WFS1: variants seen among roughly 807,000 people sequenced by gnomAD.
WFS1 encodes wolframin ER transmembrane glycoprotein, also known as wolframin.
In WFS1, 90 loss-of-function variants were observed where a neutral mutation model predicts 68.5. That is an observed-to-expected ratio of 1.31 (90% CI 1.11 to 1.56). The LOEUF (loss-of-function observed/expected upper bound fraction) is 1.56. WFS1 is among the 40% of genes most tolerant of loss of function. The pLI is 0.00. For missense variants in WFS1, 1,767 were observed against 1,232.6 expected (o/e 1.43, Z -6.49); for synonymous variants, 860 against 540.7 (o/e 1.59, Z -8.19).
intron 7 of WFS1, among the ~76,000 whole-genome samples, chr4:6,300,444 G>T (rs1730836451): frequency 6.6e-6 from 1 of 152,026 alleles, no homozygotes; most frequent in African/African-American, 2.4e-5. Flanking sequence ...GGGGCTCCAG[G>T]CCCAGAAGAG....
At chr4:6,292,122 G>A (rs1264214606) in intron 6 of WFS1, 125 bp downstream of exon 6, 3 of 994,376 alleles carry the variant, frequency 3.0e-6, no homozygotes, top group Non-Finnish European at 4.6e-6. Context: ...GCCTGCGCCT[G>A]CAGGGCGACC....
At chr4:6,277,813 A>G (rs1270468647) in intron 2 of WFS1, 126 bp downstream of exon 2, 5 of 1,140,850 alleles carry the variant, frequency 4.4e-6, no homozygotes, top group South Asian at 4.0e-5. Context: ...TGCAGCTCCC[A>G]TGCTGTGCAC....
At chr4:6,294,148 C>T (rs534719353) in intron 6 of WFS1, among the ~76,000 whole-genome samples, 8 of 152,318 alleles carry the variant, frequency 5.3e-5, no homozygotes, top group Admixed American at 3.3e-4. Context: ...GTTTCTGCAG[C>T]ACCCTGGCTT....
chr4:6,288,248 C>T (rs1032319560), intron 3 of WFS1, among the ~76,000 whole-genome samples: 3 of 151,718 alleles, frequency 2.0e-5, no homozygotes, highest in Non-Finnish European at 4.4e-5. Context: ...TCTTTCCTGA[C>T]CTCACAGCCA....
intron 7 of WFS1, among the ~76,000 whole-genome samples, chr4:6,299,535 G>A (rs1421871665): frequency 2.0e-5 from 2 of 101,030 alleles, no homozygotes; most frequent in African/African-American, 8.2e-5. Flanking sequence ...GTGTATAGGG[G>A]TGGGTTGTGT....
intron 7 of WFS1, among the ~76,000 whole-genome samples, chr4:6,299,128 C>A (rs954746644): frequency 6.6e-6 from 1 of 152,246 alleles, no homozygotes; most frequent in Non-Finnish European, 1.5e-5. Flanking sequence ...TGTCCCCCAT[C>A]CCCTCCAGTC....
In WFS1 at chr4:6,285,159, G is replaced by GTCCAGGGAGAATTACA. The variant is rs1231544551; in HGVS notation, c.233-1924_233-1923insATTACATCCAGGGAGA. Among the ~76,000 whole-genome samples the GTCCAGGGAGAATTACA allele has an allele frequency of 2.2e-4, 13 of 58,016 alleles. No homozygotes were observed. In the East Asian group the frequency reaches 8.4e-3, roughly 37 times the overall value. 38.1% of individuals were successfully genotyped at this position (58,016 alleles called of 152,430 possible). On this transcript the variant is annotated intron_variant, in intron 2 of 7. Coordinates refer to ENST00000226760, the MANE Select transcript of WFS1 (RefSeq NM_006005.3). ...GCCCGAAACTCTGTGCAAGAGTTGC[G>GTCCAGGGAGAATTACA]TCCAGGGAGAGTTACATCCAGGGAG...
chr4:6,298,843 C>T (rs370225215), intron 7 of WFS1, among the ~76,000 whole-genome samples: 124 of 152,342 alleles, frequency 8.1e-4, no homozygotes, highest in African/African-American at 2.8e-3. Context: ...CCTTGGCCTT[C>T]TGGTGGGCCT....
Position 6,302,420 on chromosome 4 carries a change from G to A in WFS1, c.2625G>A (p.Val875=), listed in dbSNP as rs1264608390. 7 of 1,613,090 alleles carry A rather than the reference G, an allele frequency of 4.3e-6. No homozygotes were observed. The highest frequency in any genetic ancestry group is 1.3e-5 in the African/African-American group (1 of 74,960). Residue 875 remains valine (V), a synonymous_variant, in exon 8 of 8, where the codon GTG becomes GTA. Transcript: ENST00000226760. Reference sequence around the variant, plus strand: ...GGCGCAGCACCGTGCATGGCGCCGTGAAGTTCGCCTTCGACTTCTTTTTCT... The same window carrying A: ...GGCGCAGCACCGTGCATGGCGCCGTAAAGTTCGCCTTCGACTTCTTTTTCT... ...HDWRSTVHGA[V]KFAFDFFFFP... is the part of the protein sequence containing the mutation.
intron 7 of WFS1, among the ~76,000 whole-genome samples, chr4:6,296,650 G>C (rs1392562014): frequency 6.6e-6 from 1 of 152,234 alleles, no homozygotes; most frequent in African/African-American, 2.4e-5. Flanking sequence ...CAGGTGAACG[G>C]GTTAACTTGG....
At position 6,302,501 on chromosome 4, in the gene WFS1, G is replaced by T; in HGVS notation, c.*33G>T. On this transcript the variant is annotated 3_prime_UTR_variant, in exon 8 of 8. Transcript: ENST00000226760. ...CCGCCACGAGGAGCTTCCAGTGCAT[G>T]TTGCCATGAGGCCTTTCCCCAGTGT... 1.2e-6 allele frequency: 2 copies of T among 1,610,904 alleles called. No individual in the cohort carries two copies. The highest frequency in any genetic ancestry group is 1.7e-6 in the Non-Finnish European group (2 of 1,179,850).
At chr4:6,271,861 G>A (rs546657633) in intron 1 of WFS1, among the ~76,000 whole-genome samples, 2 of 152,272 alleles carry the variant, frequency 1.3e-5, no homozygotes, top group South Asian at 2.1e-4. Flanking sequence ...GCATTCTTTC[G>A]GGCCCTCAGG....
At position 6,291,203 on chromosome 4, in the gene WFS1, C is replaced by T. The variant is rs762665942; in HGVS notation, c.467C>T (p.Thr156Met). The T allele has an allele frequency of 4.3e-6, 7 of 1,612,220 alleles. No individual in the cohort carries two copies. The highest frequency in any genetic ancestry group is 5.1e-6 in the Non-Finnish European group (6 of 1,180,008). Residue 156 changes from threonine to methionine, a missense_variant, in exon 5 of 8, where the codon ACG (threonine) becomes ATG (methionine). Transcript: ENST00000226760. ...ACCACATCCTATCCCTCAGGCATCACGTCCGAGAACGAACGGGAGGTGAGG... is the reference window on the plus strand; with the variant it reads ...ACCACATCCTATCCCTCAGGCATCATGTCCGAGAACGAACGGGAGGTGAGG... ...RRCLADRRGITSENEREVRQL... is the reference protein window; with the variant it reads ...RRCLADRRGIMSENEREVRQL...
intron 2 of WFS1, among the ~76,000 whole-genome samples, chr4:6,284,840 G>A (rs373966682): frequency 6.6e-6 from 1 of 150,446 alleles, no homozygotes; most frequent in Non-Finnish European, 1.5e-5. Flanking sequence ...CCACACGTGC[G>A]TCTGTGTCAT....
Position 6,287,220 on chromosome 4 carries a change from G to T in WFS1, c.315+45G>T, listed in dbSNP as rs550626711. ...CAGGGACTTCGGGACGCGGCCCCCGGCACAACAGGCCTGGCCACGAGCTCC... is the reference window on the plus strand; with the variant it reads ...CAGGGACTTCGGGACGCGGCCCCCGTCACAACAGGCCTGGCCACGAGCTCC... On this transcript the variant is annotated intron_variant, in intron 3 of 7. Transcript: ENST00000226760. The surrounding 1 kb of genome is among the most constrained non-coding windows in gnomAD (Gnocchi z 6.4). 13 of 1,505,808 alleles carry T rather than the reference G, an allele frequency of 8.6e-6. No individual in the cohort carries two copies. The East Asian group carries it at 3.2e-4, about 37-fold the overall frequency. The allele number at this position is 1,505,808 out of a possible 1,614,324, so 93.3% of individuals were successfully genotyped here.
chr4:6,278,932 A>T (rs995808343), intron 2 of WFS1, among the ~76,000 whole-genome samples: 1 of 152,244 alleles, frequency 6.6e-6, no homozygotes, highest in African/African-American at 2.4e-5. Context: ...CCCGCAAAGG[A>T]CAGAGTCCAA....
chr4:6,299,556 G>A (rs1249132651), intron 7 of WFS1, among the ~76,000 whole-genome samples: 1 of 101,032 alleles, frequency 9.9e-6, no homozygotes, highest in African/African-American at 3.7e-5. Context: ...GAATGTGTGT[G>A]TAGGGGTGGG....
At chr4:6,288,479 G>A (rs1184201452) in intron 3 of WFS1, 1 of 230,470 alleles carries the variant, frequency 4.3e-6, no homozygotes, top group Non-Finnish European at 8.7e-6. Flanking sequence ...CAGCTTTGCT[G>A]TGGAGCACGT....
Position 6,301,772 on chromosome 4 carries a change from C to G in WFS1, c.1977C>G (p.Val659=). 6.2e-7 allele frequency: 1 copy of G among 1,613,672 alleles called. No homozygotes were observed. The highest frequency in any genetic ancestry group is 8.5e-7 in the Non-Finnish European group (1 of 1,180,038). ...FYVYRSEGMK[V]YNSTLTWQQY... ...TGTACCGCTCAGAGGGCATGAAGGT[C>G]TACAACTCCACACTGACCTGGCAGC... is the stretch of plus-strand genomic sequence containing the variant. The change falls in exon 8 of 8, where the codon GTC becomes GTG. Residue 659 remains valine (V), a synonymous_variant. Coordinates refer to ENST00000226760, the MANE Select transcript of WFS1 (RefSeq NM_006005.3).
Sources: gnomAD v4.1 joint callset for allele counts (sites outside exome capture counted in the v4.1 genomes callset) on GRCh38, gnomAD v4.1.1 for gene constraint, Gnocchi (gnomAD v3.1) non-coding constraint, MANE v1.5 for transcripts, NCBI Gene and HGNC (gene_info 2026-07-23, HGNC 2026-07-21) for gene names.